Variants in DOCK9 observed in about 807,000 individuals in gnomAD.
DOCK9 encodes the protein dedicator of cytokinesis 9.
Under a neutral mutation model 263.3 loss-of-function variants are expected in DOCK9, and 89 were observed. The ratio of observed to expected loss-of-function variants is 0.34; its 90% CI spans 0.28 to 0.40. The LOEUF is 0.40. DOCK9 is among the 10% of genes least tolerant of loss of function. The probability of loss-of-function intolerance (pLI) is 1.00; values close to 1 mark genes in which losing one functional copy is unlikely to be tolerated. For synonymous variants in DOCK9, 976 were observed against 973.1 expected, an observed-to-expected ratio of 1.00 and a Z score of -0.06; for missense variants, 2,140 against 2,603.4, an observed-to-expected ratio of 0.82 and a Z score of 3.87.
At chr13:99,087,839 T>C (rs926999954), upstream of DOCK9, 3 of 152,282 alleles carry the variant, frequency 2.0e-5, no homozygotes, top group Non-Finnish European at 4.4e-5. Context: ...GTTCCTTACC[T>C]GCCGGGTCGG....
At chr13:98,808,790 G>T in intron 47 of DOCK9, 2 of 729,720 alleles carry the variant, frequency 2.7e-6, no homozygotes, top group Non-Finnish European at 2.2e-6. Context: ...AATGTTAAGG[G>T]ACTCGAAGGT....
At chr13:98,908,042 G>T (rs930425594) in intron 9 of DOCK9, among the ~76,000 whole-genome samples, 6 of 152,286 alleles carry the variant, frequency 3.9e-5, no homozygotes, top group African/African-American at 1.2e-4. Flanking sequence ...CCTACATCAT[G>T]AAATAGAGGC....
intron 44 of DOCK9, among the ~76,000 whole-genome samples, chr13:98,824,812 T>C (rs2092456383): frequency 6.6e-6 from 1 of 152,162 alleles, no homozygotes; most frequent in South Asian, 2.1e-4. Context: ...AATAGTAAAA[T>C]AACAATAAGT....
At chr13:98,816,817 G>A (rs1273633357) in intron 45 of DOCK9, among the ~76,000 whole-genome samples, 2 of 152,002 alleles carry the variant, frequency 1.3e-5, no homozygotes, top group African/African-American at 4.8e-5. Flanking sequence ...GGTGAAGGCA[G>A]CACAGCACGG....
At chr13:98,975,314 A>G (rs2060141302) in intron 1 of DOCK9, among the ~76,000 whole-genome samples, 1 of 151,758 alleles carries the variant, frequency 6.6e-6, no homozygotes, top group African/African-American at 2.4e-5. Flanking sequence ...GTGGGCCGAG[A>G]TCGTACCACT....
intron 1 of DOCK9, among the ~76,000 whole-genome samples, chr13:98,987,791 A>G (rs564852367): frequency 6.8e-4 from 104 of 152,382 alleles, no homozygotes; most frequent in Non-Finnish European, 1.1e-3. Context: ...CAAAATTAAC[A>G]TAACTGGTAA....
At chr13:98,961,367 C>T (rs1316300003) in intron 1 of DOCK9, among the ~76,000 whole-genome samples, 1 of 152,222 alleles carries the variant, frequency 6.6e-6, no homozygotes, top group Non-Finnish European at 1.5e-5. Flanking sequence ...CAGCTCCAGT[C>T]CCTCCCTCTA....
At chr13:99,044,389 T>C (rs1888756938) in intron 1 of DOCK9, among the ~76,000 whole-genome samples, 1 of 152,172 alleles carries the variant, frequency 6.6e-6, no homozygotes, top group Non-Finnish European at 1.5e-5. Flanking sequence ...AAATGCTTAT[T>C]GTGAAGTTCT....
chr13:98,803,352 C>A lies in DOCK9; in HGVS notation c.5725+1647G>T, dbSNP rs968602676. 4.6e-5 allele frequency among the ~76,000 whole-genome samples: 7 copies of A among 152,316 alleles called. No individual in the cohort carries two copies. The East Asian group carries it at 7.7e-4, about 17-fold the overall frequency. On this transcript the variant is annotated intron_variant, in intron 49 of 52. Transcript: ENST00000682017. ...TTTATGAATCCGTACACTGCCTTAA[C>A]AATAACCATACTAAAAAATCCTGAC...
intron 38 of DOCK9, among the ~76,000 whole-genome samples, chr13:98,841,794 C>CATT (rs71114554): frequency 0.092 from 13,787 of 149,124 alleles, 830 homozygotes; most frequent in East Asian, 0.18. Flanking sequence ...GATTTTTCTG[C>CATT]ATTATTATTA....
chr13:98,996,907 T>C (rs730370), intron 1 of DOCK9, among the ~76,000 whole-genome samples: 42,303 of 151,996 alleles, frequency 0.28, 5,892 homozygotes, highest in Middle Eastern at 0.43. Context: ...ACCCCAAAAA[T>C]GCGGATCTTC....
chr13:98,977,539 T>A (rs1875252836), intron 1 of DOCK9, among the ~76,000 whole-genome samples: 1 of 152,170 alleles, frequency 6.6e-6, no homozygotes, highest in Non-Finnish European at 1.5e-5. Context: ...CAATACATAA[T>A]TGTCCCATAC....
At chr13:98,817,990 T>C (rs2092010741) in intron 45 of DOCK9, among the ~76,000 whole-genome samples, 1 of 152,290 alleles carries the variant, frequency 6.6e-6, no homozygotes, top group African/African-American at 2.4e-5. Flanking sequence ...CAGAGGCCAT[T>C]CAAATTCTAT....
At chr13:98,876,271 C>G (rs1245797765) in intron 27 of DOCK9, among the ~76,000 whole-genome samples, 4 of 152,142 alleles carry the variant, frequency 2.6e-5, no homozygotes, top group African/African-American at 4.8e-5. Context: ...GTGGGTGGGT[C>G]ACCTGAGGTC....
At chr13:98,867,662 T>G (rs1375293421) in intron 29 of DOCK9, 126 bp from the exon 30 acceptor site, 4 of 685,762 alleles carry the variant, frequency 5.8e-6, no homozygotes, top group Non-Finnish European at 9.9e-6. Flanking sequence ...AACTGCACAC[T>G]CTATTGCACT....
chr13:98,810,241 G>C lies in DOCK9; in HGVS notation c.5181C>G (p.Ala1727=), dbSNP rs752227702. 1.2e-6 allele frequency: 2 copies of C among 1,612,786 alleles called. No homozygotes were observed. Among genetic ancestry groups the C allele is most frequent in the Non-Finnish European group, 1.7e-6 (2 of 1,179,640 alleles). ...TGTCGGCGATGAGCTCGTAGCGCTC[G>C]GCTTTCCAGAGTCCATCTGCGCACT... ...LEQCADGLWK[A]ERYELIADIY... The change falls in exon 46 of 53, where the codon GCC becomes GCG. Residue 1727 remains alanine (A), a synonymous_variant. Coordinates refer to ENST00000682017, the MANE Select transcript of DOCK9 (RefSeq NM_001366683.2).
At chr13:99,004,753 A>G (rs1310736073) in intron 1 of DOCK9, among the ~76,000 whole-genome samples, 1 of 151,532 alleles carries the variant, frequency 6.6e-6, no homozygotes, top group Non-Finnish European at 1.5e-5. Flanking sequence ...TTTATTCAAT[A>G]TTCTAGTACT....
chr13:99,063,158 G>GGAA (rs1286863266), intron 1 of DOCK9, among the ~76,000 whole-genome samples: 2 of 152,200 alleles, frequency 1.3e-5, no homozygotes, highest in African/African-American at 2.4e-5. Flanking sequence ...AGAACCAACA[G>GGAA]GAAGGCTTGT....
At position 98,805,032 on chromosome 13, in the gene DOCK9, C is replaced by T. The variant is rs200031473; in HGVS notation, c.5692G>A (p.Glu1898Lys). 536 of 1,609,944 alleles carry T rather than the reference C, an allele frequency of 3.3e-4. No homozygotes were observed. Among genetic ancestry groups the T allele is most frequent in the Non-Finnish European group, 4.4e-4 (519 of 1,178,190 alleles). The change falls in exon 49 of 53, where the codon GAA (glutamate) becomes AAA (lysine). Residue 1898 changes from glutamate to lysine, a missense_variant. Glu to Lys is a moderately conservative substitution (Grantham distance 56, BLOSUM62 1). Around this residue, in one of 2 missense-constraint regions of DOCK9, gnomAD observed 619 missense variants for 861.8 expected, o/e 0.72. Transcript: ENST00000682017. ...ATGGTGCGCCGTTTGCACTGCTCTT[C>T]CACCCCGCCCTGCCTCTTCCCGGTC... ...TQTGKRQGGV[E>K]EQCKRRTILT...
Sources: gnomAD v4.1 joint callset for allele counts (sites outside exome capture counted in the v4.1 genomes callset) on GRCh38, gnomAD v4.1.1 for gene constraint, gnomAD v4.1.1 regional missense constraint, MANE v1.5 for transcripts, NCBI Gene and HGNC (gene_info 2026-07-23, HGNC 2026-07-21) for gene names.